NEB: variants seen among roughly 807,000 people sequenced by gnomAD.
NEB encodes the protein nebulin.
A neutral mutation model predicts 952.2 loss-of-function variants in NEB; 512 were observed. The observed-to-expected ratio is 0.54, with a 90% CI of 0.50 to 0.58. The LOEUF is 0.58. Among genes scored for constraint, NEB ranks in the 20% least tolerant of loss-of-function variants. The pLI, the probability that NEB is intolerant of heterozygous loss-of-function variation, is 0.00. For synonymous variants in NEB, 2,900 were observed against 3,149.8 expected (o/e 0.92, Z 2.66); for missense variants, 8,428 against 9,231.1 (o/e 0.91, Z 3.56).
rs767518298 is a variant in NEB at position 151,568,633 on chromosome 2, G to A, written c.17619C>T (p.Gly5873=). The A allele has an allele frequency of 4.4e-6, 7 of 1,607,590 alleles. No individual in the cohort carries two copies. Among genetic ancestry groups the A allele is most frequent in the East Asian group, 2.2e-5 (1 of 44,710 alleles). Residue 5873 remains glycine (G), a synonymous_variant, in exon 111 of 182, where the codon GGC becomes GGT. Coordinates refer to ENST00000397345, the MANE Select transcript of NEB (RefSeq NM_001164508.2). ...RVDYVTAKQS[G]EILDDIKYRK... Reference sequence around the variant, plus strand: ...ATATACTTACATCATCGAGGATCTCGCCACTTTGTTTCGCTGTCACATAAT... The same window carrying A: ...ATATACTTACATCATCGAGGATCTCACCACTTTGTTTCGCTGTCACATAAT...
Position 151,525,292 on chromosome 2 carries a change from A to G in NEB, c.22162-19T>C, listed in dbSNP as rs759073774. The G allele has an allele frequency of 3.2e-5, 50 of 1,548,162 alleles. No homozygotes were observed. The highest frequency in any genetic ancestry group is 4.3e-5 in the Non-Finnish European group (48 of 1,121,040). ...AATTTGTCTAAATAGAGCCAGAATT[A>G]CTTTTATGAGTAGAGGAAGCTGGGA... On this transcript the variant is annotated intron_variant, in intron 150 of 181. Coordinates refer to ENST00000397345, the MANE Select transcript of NEB (RefSeq NM_001164508.2).
rs544923426 is a variant in NEB, at chr2:151,508,958, T to C, written c.23347-849A>G. Among the ~76,000 whole-genome samples the C allele has an allele frequency of 1.1e-4, 16 of 152,370 alleles. No homozygotes were observed. In the South Asian group the frequency reaches 2.9e-3, roughly 28 times the overall value. ...TTTCTTTCATCATCGCTTGTCACTG[T>C]CCTTTCACTTTTCTCTCTAGCTTAA... On this transcript the variant is annotated intron_variant, in intron 161 of 181. Coordinates refer to ENST00000397345, the MANE Select transcript of NEB (RefSeq NM_001164508.2).
chr2:151,605,023 A>G lies in NEB; in HGVS notation c.12748-152T>C, dbSNP rs71392958. Among the ~76,000 whole-genome samples, 285 of 129,982 alleles carry G rather than the reference A, an allele frequency of 2.2e-3. 4 individuals are homozygous for G. The highest frequency in any genetic ancestry group is 6.6e-3 in the African/African-American group (228 of 34,380). 85.3% of individuals were successfully genotyped at this position (129,982 alleles called of 152,430 possible). ...TTACATATTTCAGTTCACTTTAAAG[A>G]AATTAGATAATACGATTTTAGGTCA... On this transcript the variant is annotated intron_variant, in intron 84 of 181. Coordinates refer to ENST00000397345, the MANE Select transcript of NEB (RefSeq NM_001164508.2).
chr2:151,560,996 C>G lies in NEB; in HGVS notation c.19206+8G>C. 1 of 1,571,778 alleles carries G rather than the reference C, an allele frequency of 6.4e-7. No individual in the cohort carries two copies. Among genetic ancestry groups the G allele is most frequent in the Non-Finnish European group, 8.7e-7 (1 of 1,146,830 alleles). ...TCATATATAAGGGGGAAAAAAAACT[C>G]AACTCACACTGCTGTAAAGATTCTT... On this transcript the variant is annotated splice_region_variant and intron_variant, in intron 123 of 181. Transcript: ENST00000397345.
chr2:151,569,135 T>C (rs1215819306), intron 110 of NEB, 133 bp downstream of exon 110: 18 of 733,538 alleles, frequency 2.5e-5, no homozygotes, highest in Non-Finnish European at 4.2e-5. Context: ...TTTTGAAAAA[T>C]ATATATGCTC....
At chr2:151,688,879 T>C (rs1407182652) in intron 24 of NEB, among the ~76,000 whole-genome samples, 3 of 152,220 alleles carry the variant, frequency 2.0e-5, no homozygotes, top group East Asian at 3.8e-4. Flanking sequence ...GATTTCATCA[T>C]GCTACTCAGA....
At chr2:151,705,215 C>T (rs941195195) in intron 13 of NEB, among the ~76,000 whole-genome samples, 26 of 152,092 alleles carry the variant, frequency 1.7e-4, no homozygotes, top group African/African-American at 6.0e-4. Flanking sequence ...ACTACTAACT[C>T]TTCTTCTCTG....
intron 71 of NEB, among the ~76,000 whole-genome samples, chr2:151,624,729 TA>T (rs201020210): frequency 6.0e-5 from 9 of 151,162 alleles, no homozygotes; most frequent in Non-Finnish European, 7.4e-5. Flanking sequence ...CCTTTTTCTC[TA>T]AAAAAAAATG....
intron 46 of NEB, 60 bp downstream of exon 46, chr2:151,662,075 G>A (rs2154168289): frequency 7.0e-7 from 1 of 1,438,298 alleles, no homozygotes; most frequent in Non-Finnish European, 9.5e-7. Context: ...TGGATTAAAT[G>A]TAAATTATAC....
chr2:151,544,819 G>A (rs1217209426), intron 135 of NEB, among the ~76,000 whole-genome samples: 2 of 152,230 alleles, frequency 1.3e-5, no homozygotes, highest in East Asian at 1.9e-4. Flanking sequence ...AAATGGCCTG[G>A]AAGCCAATGC....
In NEB at chr2:151,614,290, CA is replaced by C; in HGVS notation, c.11586del (p.Tyr3862Ter). The stretch of plus-strand genomic sequence containing the variant: ...GAGCCACTCACATCACTCTGCAGGT[CA>C]TAGGCCTTCCGAGCCTGAATGACGT... The part of the protein sequence containing the change: ...QNDVIQARKA[Y>X]DLQSDAIYKS... On this transcript the variant is annotated frameshift_variant, in exon 77 of 182. Transcript: ENST00000397345. LOFTEE classifies it high-confidence loss of function. 6.2e-7 allele frequency: 1 copy of C among 1,613,750 alleles called. No homozygotes were observed. Among genetic ancestry groups the C allele is most frequent in the Non-Finnish European group, 8.5e-7 (1 of 1,179,706 alleles).
chr2:151,720,410 G>A (rs2099771038), intron 9 of NEB, among the ~76,000 whole-genome samples: 1 of 152,128 alleles, frequency 6.6e-6, no homozygotes, highest in African/African-American at 2.4e-5. Context: ...AGTATTAATA[G>A]GCATGTCAAT....
intron 139 of NEB, 44 bp downstream of exon 139, chr2:151,538,096 T>C (rs752961222): frequency 1.0e-5 from 16 of 1,526,976 alleles, no homozygotes; most frequent in Non-Finnish European, 1.4e-5. Flanking sequence ...ATGTATATGG[T>C]GAGTTGTAGA....
intron 12 of NEB, among the ~76,000 whole-genome samples, chr2:151,707,546 C>G (rs113196091): frequency 4.1e-4 from 63 of 152,216 alleles, no homozygotes; most frequent in African/African-American, 7.2e-4. Flanking sequence ...GGAGAAGGAG[C>G]CTTGCTTTTC....
Position 151,537,922 on chromosome 2 carries a change from C to G in NEB, c.21052G>C (p.Asp7018His), listed in dbSNP as rs1333682173. 6.2e-7 allele frequency: 1 copy of G among 1,613,254 alleles called. No homozygotes were observed. Among genetic ancestry groups the G allele is most frequent in the Non-Finnish European group, 8.5e-7 (1 of 1,179,534 alleles). Residue 7018 changes from aspartate (D) to histidine (H), a missense_variant, in exon 140 of 182, where the codon GAT (aspartate) becomes CAT (histidine). By Grantham distance (81) the Asp-to-His change is moderately conservative. Coordinates refer to ENST00000397345, the MANE Select transcript of NEB (RefSeq NM_001164508.2). ...SQLGIWRSIP[D>H]RPEHFHHRAV... ...CGGTGGTGGAAATGCTCTGGACGAT[C>G]AGGAATGGACCTCCAGATACCCAAC...
intron 29 of NEB, among the ~76,000 whole-genome samples, chr2:151,681,466 T>C (rs978353730): frequency 6.6e-6 from 1 of 152,218 alleles, no homozygotes; most frequent in African/African-American, 2.4e-5. Flanking sequence ...CGCGTCTCTA[T>C]TTATTTTCCC....
At chr2:151,682,906 T>G in intron 28 of NEB, 137 bp from the exon 29 acceptor site, 1 of 712,238 alleles carries the variant, frequency 1.4e-6, no homozygotes. Context: ...TTATTTTATA[T>G]ATTTCTTTGG....
rs1575743148 is a variant in NEB, at chr2:151,514,336, G to A, written c.23109C>T (p.Ala7703=). 1 of 1,612,132 alleles carries A rather than the reference G, an allele frequency of 6.2e-7. No individual in the cohort carries two copies. Among genetic ancestry groups the A allele is most frequent in the Non-Finnish European group, 8.5e-7 (1 of 1,178,266 alleles). The change falls in exon 159 of 182, where the codon GCC becomes GCT. Residue 7703 remains alanine (A), a synonymous_variant. Transcript: ENST00000397345. ...DTPDMLRAKN[A]TQILNEKEYK... Reference sequence around the variant, plus strand: ...GGCCTACCTCATTGAGGATTTGAGTGGCATTCTTTGCTCTTAGCATGTCAG... The same window carrying A: ...GGCCTACCTCATTGAGGATTTGAGTAGCATTCTTTGCTCTTAGCATGTCAG...
intron 60 of NEB, 32 bp from the exon 61 acceptor site, chr2:151,640,698 T>C (rs1041186797): frequency 6.3e-7 from 1 of 1,575,168 alleles, no homozygotes; most frequent in Non-Finnish European, 8.6e-7. Flanking sequence ...TAGTCATCTG[T>C]TTTAACTTTT....
Sources: allele counts gnomAD v4.1 joint callset (sites outside exome capture counted in the v4.1 genomes callset), GRCh38; gene constraint gnomAD v4.1.1; transcripts MANE v1.5; gene names NCBI Gene and HGNC (gene_info 2026-07-23, HGNC 2026-07-21).